The following DRC11 variants were observed in gnomAD, a reference collection of about 807,000 sequenced individuals.
DRC11 encodes the protein dynein regulatory complex subunit 11.
the DRC11 span, among the ~76,000 whole-genome samples, chr2:236,366,234 CTA>C: frequency 1.3e-5 from 2 of 152,152 alleles, no homozygotes; most frequent in Non-Finnish European, 2.9e-5. Context: ...GTTTCGGAGT[CTA>C]AGCCCTAGCC....
At chr2:236,479,207 C>A in the DRC11 span, among the ~76,000 whole-genome samples, 1 of 152,054 alleles carries the variant, frequency 6.6e-6, no homozygotes, top group Non-Finnish European at 1.5e-5. This position sits in a 1 kb window ranked among gnomAD's most constrained non-coding sequence, Gnocchi z 4.1. Flanking sequence ...TATTCCATTC[C>A]TTTCTTTAAG....
chr2:236,325,995 C>G, the DRC11 span, among the ~76,000 whole-genome samples: 4 of 152,158 alleles, frequency 2.6e-5, no homozygotes, highest in Non-Finnish European at 5.9e-5. This position sits in a 1 kb window ranked among gnomAD's most constrained non-coding sequence, Gnocchi z 4.4. Flanking sequence ...TTCCTTAGTA[C>G]TTTGTAGATA....
the DRC11 span, among the ~76,000 whole-genome samples, chr2:236,414,008 T>C: frequency 1.3e-5 from 2 of 152,246 alleles, no homozygotes; most frequent in Non-Finnish European, 2.9e-5. Context: ...CATTGTCTTC[T>C]GTTAAAGTGC....
the DRC11 span, among the ~76,000 whole-genome samples, chr2:236,463,064 T>G: frequency 1.3e-5 from 2 of 152,138 alleles, no homozygotes; most frequent in Non-Finnish European, 2.9e-5. This position sits in a 1 kb window ranked among gnomAD's most constrained non-coding sequence, Gnocchi z 5.0. Context: ...AAACTGGGTT[T>G]TGGTATTCTG....
the DRC11 span, chr2:236,488,164 C>T: frequency 4.4e-6 from 7 of 1,603,670 alleles, no homozygotes; most frequent in Admixed American, 1.7e-5. Flanking sequence ...ACAGCCTCAT[C>T]GAAAGGGATA....
At chr2:236,317,120 A>G in the DRC11 span, among the ~76,000 whole-genome samples, 1 of 152,074 alleles carries the variant, frequency 6.6e-6, no homozygotes, top group Non-Finnish European at 1.5e-5. The surrounding 1 kb of genome is among the most constrained non-coding windows in gnomAD (Gnocchi z 5.4). Flanking sequence ...ACATGGTGAA[A>G]CTCCGTCTCT....
chr2:236,466,667 C>G, the DRC11 span, among the ~76,000 whole-genome samples: 1 of 152,054 alleles, frequency 6.6e-6, no homozygotes, highest in Admixed American at 6.6e-5. Flanking sequence ...TATAAACAAC[C>G]AGATCTTGTG....
chr2:236,363,052 T>C, the DRC11 span, among the ~76,000 whole-genome samples: 2 of 152,134 alleles, frequency 1.3e-5, no homozygotes, highest in Non-Finnish European at 2.9e-5. This position sits in a 1 kb window ranked among gnomAD's most constrained non-coding sequence, Gnocchi z 5.6. Context: ...TAGCCTCCAA[T>C]ATGGGACAGT....
At chr2:236,357,256 A>C in the DRC11 span, among the ~76,000 whole-genome samples, 1 of 94,348 alleles carries the variant, frequency 1.1e-5, no homozygotes, top group Non-Finnish European at 1.9e-5. Context: ...GTATATATCT[A>C]TATATTATAA....
the DRC11 span, among the ~76,000 whole-genome samples, chr2:236,350,550 C>A: frequency 6.6e-6 from 1 of 152,244 alleles, no homozygotes; most frequent in Non-Finnish European, 1.5e-5. This position sits in a 1 kb window ranked among gnomAD's most constrained non-coding sequence, Gnocchi z 5.2. Flanking sequence ...CAGCGGCTCT[C>A]CCCTTTCACA....
At chr2:236,495,757 C>T in the DRC11 span, among the ~76,000 whole-genome samples, 1 of 152,214 alleles carries the variant, frequency 6.6e-6, no homozygotes, top group African/African-American at 2.4e-5. The surrounding 1 kb of genome is among the most constrained non-coding windows in gnomAD (Gnocchi z 5.6). Flanking sequence ...GATTCAGTGA[C>T]AGCACATGGT....
At chr2:236,342,979 C>T in the DRC11 span, among the ~76,000 whole-genome samples, 1 of 152,144 alleles carries the variant, frequency 6.6e-6, no homozygotes, top group Admixed American at 6.5e-5. The surrounding 1 kb of genome is among the most constrained non-coding windows in gnomAD (Gnocchi z 5.8). Context: ...CCTCCAGTGG[C>T]CTTCATTTCC....
chr2:236,487,973 C>T, the DRC11 span: 3 of 1,495,094 alleles, frequency 2.0e-6, no homozygotes, highest in Non-Finnish European at 2.7e-6. Context: ...ACCTTGTACC[C>T]CAACTCCAGG....
the DRC11 span, chr2:236,486,874 C>T: frequency 6.2e-7 from 1 of 1,610,488 alleles, no homozygotes; most frequent in South Asian, 1.1e-5. The surrounding 1 kb of genome is among the most constrained non-coding windows in gnomAD (Gnocchi z 5.7). Flanking sequence ...TTTCAGTTTC[C>T]TTACGTTGAT....
chr2:236,460,457 C>A, the DRC11 span, among the ~76,000 whole-genome samples: 4 of 152,170 alleles, frequency 2.6e-5, no homozygotes, highest in Admixed American at 6.5e-5. The surrounding 1 kb of genome is among the most constrained non-coding windows in gnomAD (Gnocchi z 4.0). Context: ...CGTCTCCTTG[C>A]CCTTTTGTCA....
At chr2:236,334,148 G>T in the DRC11 span, among the ~76,000 whole-genome samples, 414 of 152,348 alleles carry the variant, frequency 2.7e-3, 2 homozygotes, top group Middle Eastern at 0.051. The surrounding 1 kb of genome is among the most constrained non-coding windows in gnomAD (Gnocchi z 7.8). Context: ...AAGATCCAGA[G>T]AAGGGGATGC....
chr2:236,409,598 A>G, the DRC11 span, among the ~76,000 whole-genome samples: 208 of 152,056 alleles, frequency 1.4e-3, 1 homozygote, highest in African/African-American at 4.5e-3. Flanking sequence ...AATACCCTTT[A>G]TTTCCTTCTC....
chr2:236,443,970 G>C, the DRC11 span, among the ~76,000 whole-genome samples: 1 of 147,586 alleles, frequency 6.8e-6, no homozygotes, highest in East Asian at 1.9e-4. The surrounding 1 kb of genome is among the most constrained non-coding windows in gnomAD (Gnocchi z 4.4). Context: ...ATATTTGTTG[G>C]CCACATGAAT....
the DRC11 span, chr2:236,331,527 C>T: frequency 5.5e-5 from 88 of 1,613,858 alleles, no homozygotes; most frequent in Non-Finnish European, 6.9e-5. This position sits in a 1 kb window ranked among gnomAD's most constrained non-coding sequence, Gnocchi z 4.8. Context: ...CAGTGACCTT[C>T]GCCAGGCAGC....
Sources: gnomAD v4.1 joint callset for allele counts (sites outside exome capture counted in the v4.1 genomes callset) on GRCh38, gnomAD v4.1.1 for gene constraint, Gnocchi (gnomAD v3.1) non-coding constraint, MANE v1.5 for transcripts, NCBI Gene and HGNC (gene_info 2026-07-23, HGNC 2026-07-21) for gene names.